CTIF: variants seen among roughly 807,000 people sequenced by gnomAD.
The protein encoded by CTIF is cap binding complex dependent translation initiation factor.
In CTIF, 21 loss-of-function variants were observed where a neutral mutation model predicts 66.0. The observed-to-expected ratio is 0.32, with a 90% confidence interval of 0.23 to 0.46. The LOEUF (loss-of-function observed/expected upper bound fraction) is 0.46, where lower values mean the gene tolerates loss of function less well. Ranked by LOEUF, CTIF falls within the 20% of genes least tolerant of loss-of-function variation. CTIF has a pLI of 1.00. For missense variants in CTIF, 739 were observed against 812.7 expected (o/e 0.91, Z 1.10); for synonymous variants, 345 against 326.4 (o/e 1.06, Z -0.62).
chr18:48,810,191 G>A (rs56211160), intron 9 of CTIF, among the ~76,000 whole-genome samples: 11,765 of 151,826 alleles, frequency 0.077, 493 homozygotes, highest in African/African-American at 0.084. Context: ...TCTGTTTTAC[G>A]CTTACAGCCC....
chr18:48,787,198 A>G (rs1454560356), intron 9 of CTIF, among the ~76,000 whole-genome samples: 1 of 151,654 alleles, frequency 6.6e-6, no homozygotes, highest in Non-Finnish European at 1.5e-5. Flanking sequence ...AGTCCTTACT[A>G]TTTGCGAGGG....
At chr18:48,670,490 C>A in intron 5 of CTIF, 179 bp from the exon 6 acceptor site, 1 of 564,022 alleles carries the variant, frequency 1.8e-6, no homozygotes. Flanking sequence ...GGAGGACCCC[C>A]CCCCCACACA....
intron 2 of CTIF, among the ~76,000 whole-genome samples, chr18:48,627,383 T>C (rs966878378): frequency 1.3e-5 from 2 of 152,116 alleles, no homozygotes; most frequent in Admixed American, 6.5e-5. Flanking sequence ...TAGAAGGTGA[T>C]GAATGCATGA....
In CTIF at chr18:48,568,633, T is replaced by TAAAAAAAAAAAAAGAAAAAAAAAAAAAA. The variant is rs2089332245; in HGVS notation, c.-29+29334_-29+29335insGAAAAAAAAAAAAAAAAAAAAAAAAAAA. Among the ~76,000 whole-genome samples, 4 of 36,622 alleles carry TAAAAAAAAAAAAAGAAAAAAAAAAAAAA rather than the reference T, an allele frequency of 1.1e-4. 1 individual carries two copies. The highest frequency in any genetic ancestry group is 2.4e-4 in the Non-Finnish European group (4 of 16,556). 24.0% of individuals were successfully genotyped at this position (36,622 alleles called of 152,430 possible). A position where few individuals can be genotyped will look rare whatever the true frequency, so the allele number is the denominator to read the frequency against. Reference sequence around the variant, plus strand: ...GAAATACCTGAGACTGGGCAATTTGTAAAAAAAAAAAAAAAAAAAAAAAAA... The same window carrying TAAAAAAAAAAAAAGAAAAAAAAAAAAAA: ...GAAATACCTGAGACTGGGCAATTTGTAAAAAAAAAAAAAGAAAAAAAAAAAAAAAAAAAAAAAAAAAAAAAAAAAAAAA... On this transcript the variant is annotated intron_variant, in intron 1 of 11. Coordinates refer to ENST00000256413, the MANE Select transcript of CTIF (RefSeq NM_014772.3).
At chr18:48,592,855 AAG>A (rs1037476756) in intron 1 of CTIF, among the ~76,000 whole-genome samples, 2 of 152,238 alleles carry the variant, frequency 1.3e-5, no homozygotes, top group Non-Finnish European at 2.9e-5. Flanking sequence ...GCCCCAGGGA[AAG>A]AGGAACAAAG....
intron 1 of CTIF, among the ~76,000 whole-genome samples, chr18:48,614,624 C>A (rs2090364618): frequency 1.3e-5 from 2 of 152,224 alleles, no homozygotes; most frequent in African/African-American, 4.8e-5. Context: ...TGTAAAAGGA[C>A]AAATATTGCA....
At chr18:48,724,686 C>A (rs765681423) in intron 7 of CTIF, among the ~76,000 whole-genome samples, 1 of 152,210 alleles carries the variant, frequency 6.6e-6, no homozygotes, top group Non-Finnish European at 1.5e-5. Context: ...TGTGTGAGCT[C>A]CTGGGCTCAC....
Position 48,852,683 on chromosome 18 carries a change from C to G in CTIF, c.1528-4905C>G, listed in dbSNP as rs2069234775. Among the ~76,000 whole-genome samples the G allele has an allele frequency of 2.0e-5, 3 of 152,276 alleles. No homozygotes were observed. The South Asian group carries it at 6.2e-4, about 32-fold the overall frequency. On this transcript the variant is annotated intron_variant, in intron 10 of 11. Coordinates refer to ENST00000256413, the MANE Select transcript of CTIF (RefSeq NM_014772.3). ...GCATACTGTAACTACTTAACCAGTC[C>G]CCTTGTTGGGAGAGGTCCAGGTTAC...
chr18:48,584,167 C>G (rs1057056024), intron 1 of CTIF, among the ~76,000 whole-genome samples: 1 of 152,154 alleles, frequency 6.6e-6, no homozygotes, highest in Non-Finnish European at 1.5e-5. Flanking sequence ...CTCACTTGCT[C>G]TCTAGGATGG....
intron 9 of CTIF, among the ~76,000 whole-genome samples, chr18:48,800,788 C>T (rs375467262): frequency 1.3e-5 from 2 of 152,202 alleles, no homozygotes; most frequent in South Asian, 4.1e-4. Context: ...GGAGTCGGAC[C>T]AGAGTGCCTC....
chr18:48,751,175 C>G (rs575386191), intron 7 of CTIF, among the ~76,000 whole-genome samples: 1 of 152,324 alleles, frequency 6.6e-6, no homozygotes, highest in East Asian at 1.9e-4. Context: ...GGACCACCCT[C>G]AGAGTGTGTG....
At chr18:48,787,992 C>A (rs1038275018) in intron 9 of CTIF, among the ~76,000 whole-genome samples, 2 of 152,104 alleles carry the variant, frequency 1.3e-5, no homozygotes, top group African/African-American at 2.4e-5. Context: ...AGGATCTCAG[C>A]GGGAGGTGAG....
chr18:48,836,908 G>A (rs980044757), intron 10 of CTIF, among the ~76,000 whole-genome samples: 3 of 152,216 alleles, frequency 2.0e-5, no homozygotes, highest in African/African-American at 7.2e-5. Flanking sequence ...GGCCCAGTGG[G>A]ACACCCTGGG....
intron 6 of CTIF, among the ~76,000 whole-genome samples, chr18:48,674,557 C>T (rs1394341942): frequency 6.6e-6 from 1 of 152,248 alleles, no homozygotes; most frequent in Admixed American, 6.5e-5. Flanking sequence ...TCTGGCCAAG[C>T]TCCTCTCCAG....
chr18:48,566,015 GGCACAGCACCCTTCACTCAGGGAT>G (rs1357218683), intron 1 of CTIF: 1 of 152,160 alleles, frequency 6.6e-6, no homozygotes, highest in Non-Finnish European at 1.5e-5. Flanking sequence ...TAGTTTGCAG[GGCACAGCACCCTTCACTCAGGGAT>G]GCTGGCATAC....
intron 10 of CTIF, among the ~76,000 whole-genome samples, chr18:48,828,695 T>C (rs1267212661): frequency 6.6e-6 from 1 of 152,214 alleles, no homozygotes; most frequent in African/African-American, 2.4e-5. Flanking sequence ...AAGTCCTACA[T>C]CCCTGTCCCC....
chr18:48,674,256 G>T (rs1191624019), intron 6 of CTIF, among the ~76,000 whole-genome samples: 2 of 152,232 alleles, frequency 1.3e-5, no homozygotes, highest in Admixed American at 6.5e-5. Flanking sequence ...GCAAATGCCC[G>T]AGCAAGTGCT....
intron 1 of CTIF, among the ~76,000 whole-genome samples, chr18:48,619,286 T>TGAGAC (rs2090450504): frequency 6.6e-6 from 1 of 152,250 alleles, no homozygotes; most frequent in Non-Finnish European, 1.5e-5. Flanking sequence ...GCACAGTGCC[T>TGAGAC]GTGCTGGCCA....
intron 9 of CTIF, among the ~76,000 whole-genome samples, chr18:48,795,128 C>T (rs1418003816): frequency 6.6e-6 from 1 of 152,162 alleles, no homozygotes; most frequent in East Asian, 1.9e-4. Flanking sequence ...GGCATTACTC[C>T]TGGCTTTTTT....
Sources: allele counts gnomAD v4.1 joint callset (sites outside exome capture counted in the v4.1 genomes callset), GRCh38; gene constraint gnomAD v4.1.1; transcripts MANE v1.5; gene names NCBI Gene and HGNC (gene_info 2026-07-23, HGNC 2026-07-21).